The following ZNF623 variants were observed in gnomAD, a reference collection of about 807,000 sequenced individuals.
The protein encoded by ZNF623 is zinc finger protein 623.
Under a neutral mutation model 24.0 loss-of-function variants are expected in ZNF623, and 16 were observed. The observed-to-expected ratio is 0.67, with a 90% CI of 0.45 to 1.01. The LOEUF (loss-of-function observed/expected upper bound fraction) is 1.01, where lower values mean the gene tolerates loss of function less well. ZNF623 is among the 50% of genes least tolerant of loss of function. The probability of loss-of-function intolerance (pLI) is 0.00; values close to 1 mark genes in which losing one functional copy is unlikely to be tolerated. For missense variants in ZNF623, 566 were observed against 606.5 expected, an observed-to-expected ratio of 0.93 and a Z score of 0.70; for synonymous variants, 224 against 219.8, an observed-to-expected ratio of 1.02 and a Z score of -0.17.
At chr8:143,646,760 G>A (rs968698384) in intron 1 of ZNF623, among the ~76,000 whole-genome samples, 4 of 152,100 alleles carry the variant, frequency 2.6e-5, no homozygotes, top group Admixed American at 2.0e-4. Flanking sequence ...AACTTCCTGG[G>A]CTCAAGTGAT....
rs1587322979 is a variant in ZNF623 at position 143,638,933 on chromosome 8, C to T, written c.-96+2788C>T. On this transcript the variant is annotated intron_variant, in intron 1 of 1. Coordinates refer to ENST00000526926, the MANE Select transcript of ZNF623 (RefSeq NM_001261843.2). ...TTGAGATAGAGGTTTGCTCTTGTTG[C>T]CCAGGCTGGAGTGCAATGGCGCGAT... 2.6e-5 allele frequency among the ~76,000 whole-genome samples: 4 copies of T among 152,236 alleles called. No homozygotes were observed. In the East Asian group the frequency reaches 7.7e-4, roughly 29 times the overall value.
rs1455903959 is a variant in ZNF623 at position 143,652,074 on chromosome 8, A to G, written c.*591A>G. ...TTCCCTGTGCTCCACGTGGCTTCCT[A>G]CCTCTCTCGCCTTTGTTCTTGTTGA... On this transcript the variant is annotated 3_prime_UTR_variant, in exon 2 of 2. Transcript: ENST00000526926. The G allele has an allele frequency of 6.0e-6, 1 of 166,814 alleles. No homozygotes were observed. The highest frequency in any genetic ancestry group is 1.5e-5 in the Non-Finnish European group (1 of 68,208). 10.3% of individuals were successfully genotyped at this position (166,814 alleles called of 1,614,324 possible).
At position 143,651,159 on chromosome 8, in the gene ZNF623, G is replaced by T; in HGVS notation, c.1167G>T (p.Arg389Ser). 1 of 1,614,016 alleles carries T rather than the reference G, an allele frequency of 6.2e-7. No individual in the cohort carries two copies. Among genetic ancestry groups the T allele is most frequent in the Non-Finnish European group, 8.5e-7 (1 of 1,179,990 alleles). The change falls in exon 2 of 2, where the codon AGG becomes AGT. Residue 389 changes from arginine to serine, a missense_variant. Arg to Ser is a moderately radical substitution (Grantham distance 110). This residue lies in a region of ZNF623 where 136 missense variants were observed against 131.9 expected (regional missense o/e 1.03). Transcript: ENST00000526926. Reference sequence around the variant, plus strand: ...ACCAGAAGATCCACTCTGGGGACAGGCCCTTCGAATGTAAAGACTGTGGGA... The same window carrying T: ...ACCAGAAGATCCACTCTGGGGACAGTCCCTTCGAATGTAAAGACTGTGGGA... ...TEHQKIHSGD[R>S]PFECKDCGKA...
Position 143,650,087 on chromosome 8 carries a change from CCT to C in ZNF623, c.99_100del (p.Gln34GlyfsTer61). On this transcript the variant is annotated frameshift_variant, in exon 2 of 2. Coordinates refer to ENST00000526926, the MANE Select transcript of ZNF623 (RefSeq NM_001261843.2). LOFTEE classifies it low-confidence loss of function (END_TRUNC). The surrounding 1 kb of genome is among the most constrained non-coding windows in gnomAD (Gnocchi z 5.2). ...GAAGGTCAGAGCCTGGGGAGTTCCCCCTCTCAGGACAGGGGCTGCAAGCAGGT... is the reference window on the plus strand; with the variant it reads ...GAAGGTCAGAGCCTGGGGAGTTCCCCCTCAGGACAGGGGCTGCAAGCAGGT... The C allele has an allele frequency of 6.2e-7, 1 of 1,614,108 alleles. No homozygotes were observed. Among genetic ancestry groups the C allele is most frequent in the Non-Finnish European group, 8.5e-7 (1 of 1,180,030 alleles).
intron 1 of ZNF623, among the ~76,000 whole-genome samples, chr8:143,640,475 A>G (rs1422450017): frequency 6.6e-6 from 1 of 152,244 alleles, no homozygotes; most frequent in South Asian, 2.1e-4. Context: ...ATTTTACCCA[A>G]GTAGAACTTC....
At position 143,640,865 on chromosome 8, in the gene ZNF623, C is replaced by T. The variant is rs958861665; in HGVS notation, c.-96+4720C>T. ...CTGAGGCAGGAGAATTGCTTGAACC[C>T]GGGAGGTGGAGGTTGCAGTGAGCCG... On this transcript the variant is annotated intron_variant, in intron 1 of 1. Coordinates refer to ENST00000526926, the MANE Select transcript of ZNF623 (RefSeq NM_001261843.2). 7.4e-5 allele frequency among the ~76,000 whole-genome samples: 11 copies of T among 149,524 alleles called. No homozygotes were observed. The Middle Eastern group carries it at 0.01, about 139-fold the overall frequency.
chr8:143,644,576 G>A (rs536744440), intron 1 of ZNF623, among the ~76,000 whole-genome samples: 1 of 152,230 alleles, frequency 6.6e-6, no homozygotes, highest in East Asian at 1.9e-4. Flanking sequence ...CAGTGCATAA[G>A]CAGAATATAT....
At chr8:143,646,546 C>CGTGTGTGTGTGT (rs60526625) in intron 1 of ZNF623, among the ~76,000 whole-genome samples, 1 of 149,354 alleles carries the variant, frequency 6.7e-6, no homozygotes, top group East Asian at 2.0e-4. Flanking sequence ...GGGGTGTGTG[C>CGTGTGTGTGTGT]GTGTGTGTGT....
At position 143,650,327 on chromosome 8, in the gene ZNF623, C is replaced by T. The variant is rs770007205; in HGVS notation, c.335C>T (p.Thr112Met). The T allele has an allele frequency of 2.5e-5, 40 of 1,614,120 alleles. No homozygotes were observed. Among genetic ancestry groups the T allele is most frequent in the South Asian group, 5.5e-5 (5 of 91,094 alleles). Residue 112 changes from threonine to methionine, a missense_variant, in exon 2 of 2, where the codon ACG becomes ATG. Physicochemically the swap from Thr to Met is moderately conservative, Grantham distance 81 (BLOSUM62 -1). Around this residue, in one of 3 missense-constraint regions of ZNF623, gnomAD observed 313 missense variants for 300.4 expected, o/e 1.04. Transcript: ENST00000526926. This position sits in a 1 kb window ranked among gnomAD's most constrained non-coding sequence, Gnocchi z 5.2. ...TCGCATGCTGGGGAGAAACCTTACACGTGCGATCAGTGTGGGAAAGGCTTT... is the reference window on the plus strand; with the variant it reads ...TCGCATGCTGGGGAGAAACCTTACATGTGCGATCAGTGTGGGAAAGGCTTT... ...RISHAGEKPY[T>M]CDQCGKGFGQ...
rs1037903163 is a variant in ZNF623, at chr8:143,650,029, G to A, written c.37G>A (p.Glu13Lys). The change falls in exon 2 of 2, where the codon GAG (glutamate) becomes AAG (lysine). Residue 13 changes from glutamate to lysine, a missense_variant. Coordinates refer to ENST00000526926, the MANE Select transcript of ZNF623 (RefSeq NM_001261843.2). The surrounding 1 kb of genome is among the most constrained non-coding windows in gnomAD (Gnocchi z 5.2). ...CTCTCCCGAGTCTGAGGAAGTCCACGAGCCCAGATTAGGGGAGCTCTTGGG... is the reference window on the plus strand; with the variant it reads ...CTCTCCCGAGTCTGAGGAAGTCCACAAGCCCAGATTAGGGGAGCTCTTGGG... Reference protein sequence around the residue: ...LPSPESEEVHEPRLGELLGNP... With the variant: ...LPSPESEEVHKPRLGELLGNP... 5.0e-6 allele frequency: 8 copies of A among 1,614,156 alleles called. No individual in the cohort carries two copies. The East Asian group carries it at 6.7e-5, about 13-fold the overall frequency.
chr8:143,651,100 A>C lies in ZNF623; in HGVS notation c.1108A>C (p.Lys370Gln). The C allele has an allele frequency of 6.2e-7, 1 of 1,614,190 alleles. No homozygotes were observed. Among genetic ancestry groups the C allele is most frequent in the Non-Finnish European group, 8.5e-7 (1 of 1,180,030 alleles). The change falls in exon 2 of 2, where the codon AAA becomes CAA. Residue 370 changes from lysine to glutamine, a missense_variant. Physicochemically the swap from Lys to Gln is moderately conservative, Grantham distance 53. This residue lies in a region of ZNF623 where 117 missense variants were observed against 174.2 expected (regional missense o/e 0.67). Coordinates refer to ENST00000526926, the MANE Select transcript of ZNF623 (RefSeq NM_001261843.2). Reference sequence around the variant, plus strand: ...AGTGTATGAATGTAAGGAATGTGGGAAAGCGTTTCTCCAGAAAGCCCATCT... The same window carrying C: ...AGTGTATGAATGTAAGGAATGTGGGCAAGCGTTTCTCCAGAAAGCCCATCT... ...ERVYECKECG[K>Q]AFLQKAHLTE...
intron 1 of ZNF623, 108 bp downstream of exon 1, chr8:143,636,253 G>A (rs940924692): frequency 2.0e-5 from 3 of 152,118 alleles, no homozygotes; most frequent in Non-Finnish European, 4.4e-5. Context: ...AGGGCCGGGC[G>A]GGGTCCGCAG....
At position 143,645,368 on chromosome 8, in the gene ZNF623, C is replaced by T. The variant is rs1587328911; in HGVS notation, c.-95-4530C>T. On this transcript the variant is annotated intron_variant, in intron 1 of 1. Transcript: ENST00000526926. ...AATGGCGTGAACCCAGGAGGCAGAG[C>T]CTGCAGTGAGCTGAGATGGCGCCAC... Among the ~76,000 whole-genome samples, 4 of 149,130 alleles carry T rather than the reference C, an allele frequency of 2.7e-5. No individual in the cohort carries two copies. In the South Asian group the frequency reaches 8.5e-4, roughly 32 times the overall value.
At position 143,639,760 on chromosome 8, in the gene ZNF623, G is replaced by A. The variant is rs534422059; in HGVS notation, c.-96+3615G>A. ...AAGTTGCTGTAACAGATTCAAATAC[G>A]GTGTTTCAAATAAGAAACTTGAGTT... On this transcript the variant is annotated intron_variant, in intron 1 of 1. Transcript: ENST00000526926. 7.5e-4 allele frequency among the ~76,000 whole-genome samples: 114 copies of A among 152,276 alleles called. No individual in the cohort carries two copies. The Middle Eastern group carries it at 0.014, about 18-fold the overall frequency.
chr8:143,650,128 T>TGGAAG lies in ZNF623; in HGVS notation c.137_141dup (p.Ile48GlyfsTer21), dbSNP rs1563701751. 8 of 1,614,124 alleles carry TGGAAG rather than the reference T, an allele frequency of 5.0e-6. No homozygotes were observed. The highest frequency in any genetic ancestry group is 6.8e-6 in the Non-Finnish European group (8 of 1,180,032). On this transcript the variant is annotated frameshift_variant, in exon 2 of 2. Coordinates refer to ENST00000526926, the MANE Select transcript of ZNF623 (RefSeq NM_001261843.2). LOFTEE classifies it low-confidence loss of function (END_TRUNC). The surrounding 1 kb of genome is among the most constrained non-coding windows in gnomAD (Gnocchi z 5.2). ...CTGCAAGCAGGTGACAGTGACCCATTGGAAGATCCAGACAGGAGAGACAGC... is the reference window on the plus strand; with the variant it reads ...CTGCAAGCAGGTGACAGTGACCCATTGGAAGGGAAGATCCAGACAGGAGAGACAGC...
chr8:143,642,841 C>T (rs1815087241), intron 1 of ZNF623, among the ~76,000 whole-genome samples: 3 of 152,164 alleles, frequency 2.0e-5, no homozygotes, highest in Non-Finnish European at 4.4e-5. Flanking sequence ...TGCCGGGCAC[C>T]TGGCATGGGT....
chr8:143,648,810 G>T (rs953348182), intron 1 of ZNF623, among the ~76,000 whole-genome samples: 1 of 152,068 alleles, frequency 6.6e-6, no homozygotes, highest in Admixed American at 6.5e-5. Flanking sequence ...GTCCTTGCCT[G>T]ATTTCTTCTG....
intron 1 of ZNF623, among the ~76,000 whole-genome samples, chr8:143,645,992 A>T (rs1378159083): frequency 6.6e-6 from 1 of 152,200 alleles, no homozygotes; most frequent in Non-Finnish European, 1.5e-5. Context: ...TCTTTAAGGT[A>T]AGGTATGTAT....
intron 1 of ZNF623, among the ~76,000 whole-genome samples, chr8:143,647,692 G>C (rs1815206418): frequency 6.6e-6 from 1 of 152,252 alleles, no homozygotes; most frequent in Non-Finnish European, 1.5e-5. Flanking sequence ...TGTGGGGCCA[G>C]AGTAGGGGAT....
Sources: gnomAD v4.1 joint callset for allele counts (sites outside exome capture counted in the v4.1 genomes callset) on GRCh38, gnomAD v4.1.1 for gene constraint, gnomAD v4.1.1 regional missense constraint, Gnocchi (gnomAD v3.1) non-coding constraint, MANE v1.5 for transcripts, NCBI Gene and HGNC (gene_info 2026-07-23, HGNC 2026-07-21) for gene names.